The following ALPK1 variants were observed in gnomAD, a reference collection of about 807,000 sequenced individuals.
The protein encoded by ALPK1 is alpha-protein kinase 1.
A neutral mutation model predicts 120.6 loss-of-function variants in ALPK1; 110 were observed. That is an observed-to-expected ratio of 0.91 (90% confidence interval 0.78 to 1.07). ALPK1 has a LOEUF of 1.07. Ranked by LOEUF, ALPK1 falls within the 50% of genes least tolerant of loss-of-function variation. The probability of loss-of-function intolerance (pLI) is 0.00; values close to 1 mark genes in which losing one functional copy is unlikely to be tolerated. For missense variants in ALPK1, 1,498 were observed against 1,483.9 expected (o/e 1.01, Z -0.16); for synonymous variants, 582 against 560.3 (o/e 1.04, Z -0.55).
intron 2 of ALPK1, among the ~76,000 whole-genome samples, chr4:112,325,577 C>T (rs1392314769): frequency 6.6e-6 from 1 of 152,172 alleles, no homozygotes; most frequent in East Asian, 1.9e-4. Context: ...ACTCCTTCTC[C>T]GGACCACTGT....
chr4:112,388,675 A>G (rs1208514475), intron 4 of ALPK1, among the ~76,000 whole-genome samples: 1 of 152,152 alleles, frequency 6.6e-6, no homozygotes, highest in East Asian at 1.9e-4. Flanking sequence ...CATTCATTCA[A>G]CAAACTTTAC....
intron 4 of ALPK1, among the ~76,000 whole-genome samples, chr4:112,404,148 A>C (rs1421915465): frequency 6.6e-6 from 1 of 152,218 alleles, no homozygotes; most frequent in Non-Finnish European, 1.5e-5. Context: ...GATTGAAAAA[A>C]ATGAGAGGTT....
chr4:112,300,802 G>C (rs1028009458), intron 1 of ALPK1, among the ~76,000 whole-genome samples: 1 of 151,556 alleles, frequency 6.6e-6, no homozygotes, highest in South Asian at 2.1e-4. Flanking sequence ...TCCATATTTT[G>C]GATTTAGTAA....
chr4:112,341,496 T>C (rs1729861814), intron 2 of ALPK1, among the ~76,000 whole-genome samples: 1 of 152,224 alleles, frequency 6.6e-6, no homozygotes, highest in South Asian at 2.1e-4. Flanking sequence ...AGTATATAGA[T>C]TAGGGTTTTG....
chr4:112,423,600 C>T (rs777440921), intron 5 of ALPK1: 3 of 411,040 alleles, frequency 7.3e-6, no homozygotes, highest in African/African-American at 6.2e-5. Context: ...AACTCTATTC[C>T]ACTTCCTGAA....
chr4:112,436,193 T>C (rs1177063660), intron 12 of ALPK1, among the ~76,000 whole-genome samples: 1 of 152,212 alleles, frequency 6.6e-6, no homozygotes, highest in Non-Finnish European at 1.5e-5. Flanking sequence ...TTGAAAAGAT[T>C]ATTGATTATT....
rs756949043 is a variant in ALPK1 at position 112,430,713 on chromosome 4, T to G, written c.1166T>G (p.Leu389Arg). 6.2e-7 allele frequency: 1 copy of G among 1,614,232 alleles called. No individual in the cohort carries two copies. The highest frequency in any genetic ancestry group is 8.5e-7 in the Non-Finnish European group (1 of 1,180,046). Residue 389 changes from leucine (L) to arginine (R), a missense_variant, in exon 11 of 16, where the codon CTG becomes CGG. Leu to Arg is a moderately radical substitution (Grantham distance 102). Coordinates refer to ENST00000650871, the MANE Select transcript of ALPK1 (RefSeq NM_025144.4). ...CTCTGTAAGGAAGCAATGGGGAAGC[T>G]GTACAATTTCAGCACTTCCTCCAGA... ...SQLCKEAMGK[L>R]YNFSTSSRSQ...
At chr4:112,298,891 C>T (rs1727662267) in intron 1 of ALPK1, among the ~76,000 whole-genome samples, 1 of 152,068 alleles carries the variant, frequency 6.6e-6, no homozygotes, top group Non-Finnish European at 1.5e-5. Context: ...TTACTGATCC[C>T]TTTCCCATGA....
At chr4:112,376,342 T>G (rs751063122) in intron 2 of ALPK1, among the ~76,000 whole-genome samples, 14 of 152,230 alleles carry the variant, frequency 9.2e-5, no homozygotes, top group African/African-American at 3.1e-4. Context: ...GAAACAAGCC[T>G]GTAATAACCC....
At chr4:112,351,179 T>C (rs1484476980) in intron 2 of ALPK1, among the ~76,000 whole-genome samples, 1 of 152,134 alleles carries the variant, frequency 6.6e-6, no homozygotes, top group Non-Finnish European at 1.5e-5. Flanking sequence ...TCCTATTTTT[T>C]CTTCTTCAGG....
intron 4 of ALPK1, among the ~76,000 whole-genome samples, chr4:112,395,007 T>C (rs1178009990): frequency 6.6e-6 from 1 of 152,194 alleles, no homozygotes; most frequent in Non-Finnish European, 1.5e-5. Context: ...GAAATAATAT[T>C]ATCTCCATAT....
At chr4:112,342,926 C>T (rs933817402) in intron 2 of ALPK1, 1 of 152,228 alleles carries the variant, frequency 6.6e-6, no homozygotes, top group African/African-American at 2.4e-5. Flanking sequence ...TACATGGGAC[C>T]TGGAATACCT....
rs114812975 is a variant in ALPK1, at chr4:112,378,015, G to A, written c.121+117G>A. 5.1e-3 allele frequency: 6,046 copies of A among 1,186,130 alleles called. 22 individuals carry two copies. The highest frequency in any genetic ancestry group is 5.8e-3 in the Non-Finnish European group (5,234 of 898,892). 73.5% of individuals were successfully genotyped at this position (1,186,130 alleles called of 1,614,324 possible). On this transcript the variant is annotated intron_variant, in intron 3 of 15. Coordinates refer to ENST00000650871, the MANE Select transcript of ALPK1 (RefSeq NM_025144.4). ...TTTCTTCTCTTGGCAGATGACCACC[G>A]AGAGATGAGTGGATTTCTAGGGCAT...
chr4:112,392,126 G>A (rs1732446759), intron 4 of ALPK1, among the ~76,000 whole-genome samples: 1 of 152,164 alleles, frequency 6.6e-6, no homozygotes, highest in African/African-American at 2.4e-5. Context: ...CACTTCATCA[G>A]TTTGTGGTAA....
chr4:112,360,776 C>CT (rs1291685381), intron 2 of ALPK1, among the ~76,000 whole-genome samples: 2 of 152,138 alleles, frequency 1.3e-5, no homozygotes, highest in African/African-American at 2.4e-5. Context: ...GAAAGATACC[C>CT]TTTTGCTGTC....
At chr4:112,317,038 A>T (rs182481591) in intron 2 of ALPK1, among the ~76,000 whole-genome samples, 212 of 152,182 alleles carry the variant, frequency 1.4e-3, no homozygotes, top group African/African-American at 4.9e-3. Flanking sequence ...TAAGTTTCCA[A>T]AATTGTAGTT....
At position 112,426,496 on chromosome 4, in the gene ALPK1, T is replaced by C. The variant is rs1734242170; in HGVS notation, c.652T>C (p.Trp218Arg). ...GTGGTACGAAGCAGCAGAGTTAATA[T>C]GGGCCTCCATTGTAGGATATTTGGC... ...GMWYEAAELIWASIVGYLALP... is the reference protein window; with the variant it reads ...GMWYEAAELIRASIVGYLALP... Residue 218 changes from tryptophan (W) to arginine (R), a missense_variant, in exon 8 of 16, where the codon TGG becomes CGG. Physicochemically the swap from Trp to Arg is moderately radical, Grantham distance 101 (BLOSUM62 -3). Transcript: ENST00000650871. The C allele has an allele frequency of 2.5e-6, 4 of 1,602,592 alleles. No individual in the cohort carries two copies. Among genetic ancestry groups the C allele is most frequent in the Middle Eastern group, 1.7e-4 (1 of 6,016 alleles).
At position 112,438,641 on chromosome 4, in the gene ALPK1, C is replaced by T. The variant is rs1180979923; in HGVS notation, c.3346C>T (p.Leu1116=). The change falls in exon 13 of 16, where the codon CTA becomes TTA. Residue 1116 remains leucine (L), a synonymous_variant. Transcript: ENST00000650871. ...GATATTCTACATCCCATCCACAATA[C>T]TACTGGTAAGATTATCCTGAACACA... ...TQIFYIPSTI[L]LILEDKTIKG... The T allele has an allele frequency of 6.2e-7, 1 of 1,613,224 alleles. No individual in the cohort carries two copies. Among genetic ancestry groups the T allele is most frequent in the Admixed American group, 1.7e-5 (1 of 60,000 alleles).
chr4:112,425,806 A>C, intron 7 of ALPK1, 55 bp downstream of exon 7: 1 of 1,419,912 alleles, frequency 7.0e-7, no homozygotes, highest in Non-Finnish European at 9.8e-7. Flanking sequence ...GCCTGGCTGC[A>C]TGGTTTCACT....
Sources: gnomAD v4.1 joint callset for allele counts (sites outside exome capture counted in the v4.1 genomes callset) on GRCh38, gnomAD v4.1.1 for gene constraint, MANE v1.5 for transcripts, NCBI Gene and HGNC (gene_info 2026-07-23, HGNC 2026-07-21) for gene names.